Variants in ZCCHC7 observed in about 807,000 individuals in gnomAD.
The protein encoded by ZCCHC7 is zinc finger CCHC-type containing 7.
ZCCHC7 carries 35 observed loss-of-function variants against 52.0 expected under a neutral mutation model. The observed-to-expected ratio is 0.67, with a 90% CI of 0.51 to 0.89. The LOEUF (loss-of-function observed/expected upper bound fraction) is 0.89, where lower values mean the gene tolerates loss of function less well. ZCCHC7 is among the 40% of genes least tolerant of loss of function. ZCCHC7 has a pLI of 0.00. For synonymous variants in ZCCHC7, 217 were observed against 221.5 expected (o/e 0.98, Z 0.18); for missense variants, 574 against 649.1 (o/e 0.88, Z 1.26).
At chr9:37,258,024 A>G (rs1324459592) in intron 2 of ZCCHC7, among the ~76,000 whole-genome samples, 1 of 152,216 alleles carries the variant, frequency 6.6e-6, no homozygotes, top group Admixed American at 6.5e-5. Flanking sequence ...TTTGTATTCT[A>G]GTTCATAAGT....
chr9:37,186,324 A>G (rs1822653144), intron 2 of ZCCHC7, among the ~76,000 whole-genome samples: 2 of 152,146 alleles, frequency 1.3e-5, no homozygotes, highest in African/African-American at 4.8e-5. Flanking sequence ...AGGCTACATC[A>G]TTTTCAGAGT....
At chr9:37,177,554 G>T (rs1004294982) in intron 2 of ZCCHC7, among the ~76,000 whole-genome samples, 6 of 152,094 alleles carry the variant, frequency 3.9e-5, no homozygotes, top group African/African-American at 1.4e-4. Flanking sequence ...ATGAAGAATA[G>T]TAATATGTCA....
At position 37,357,113 on chromosome 9, in the gene ZCCHC7, A is replaced by G. The variant is rs548882748; in HGVS notation, c.1477A>G (p.Lys493Glu). 3 of 1,613,792 alleles carry G rather than the reference A, an allele frequency of 1.9e-6. No homozygotes were observed. The highest frequency in any genetic ancestry group is 2.2e-5 in the East Asian group (1 of 44,850). Residue 493 changes from lysine (K) to glutamate (E), a missense_variant, in exon 9 of 9, where the codon AAG (lysine) becomes GAG (glutamate). This residue lies in a region of ZCCHC7 where 168 missense variants were observed against 171.6 expected (regional missense o/e 0.98). Coordinates refer to ENST00000336755, the MANE Select transcript of ZCCHC7 (RefSeq NM_032226.3). Reference sequence around the variant, plus strand: ...CAGTTTTAAAACCCAGAAGCCTTCTAAGCCCTTTCACCGTTCATCACATTA... The same window carrying G: ...CAGTTTTAAAACCCAGAAGCCTTCTGAGCCCTTTCACCGTTCATCACATTA... ...PGSFKTQKPS[K>E]PFHRSSHYHT...
intron 2 of ZCCHC7, among the ~76,000 whole-genome samples, chr9:37,160,529 T>C (rs558190567): frequency 1.1e-4 from 16 of 151,898 alleles, no homozygotes; most frequent in Non-Finnish European, 1.8e-4. Flanking sequence ...AAAATAATAA[T>C]GTTGCAGCTA....
intron 6 of ZCCHC7, among the ~76,000 whole-genome samples, chr9:37,347,650 C>G (rs145700539): frequency 6.6e-6 from 1 of 152,088 alleles, no homozygotes. Flanking sequence ...AAAAAAAATC[C>G]GGGTTAAGTT....
chr9:37,348,393 T>TCTTTCTTTCTTTCTTTCTTTCTTTCTTTC (rs1564271303), intron 6 of ZCCHC7, among the ~76,000 whole-genome samples: 5 of 147,530 alleles, frequency 3.4e-5, no homozygotes, highest in African/African-American at 1.2e-4. Flanking sequence ...TTTCTTTCTT[T>TCTTTCTTTCTTTCTTTCTTTCTTTCTTTC]TTTGACATGG....
Position 37,357,375 on chromosome 9 carries a change from G to T in ZCCHC7, c.*107G>T, listed in dbSNP as rs1048089675. Reference sequence around the variant, plus strand: ...CTATGATTAAATAAAGTGAGTTTTTGGTTTTGTTTTTTTAATTTCAGCCAT... The same window carrying T: ...CTATGATTAAATAAAGTGAGTTTTTTGTTTTGTTTTTTTAATTTCAGCCAT... On this transcript the variant is annotated 3_prime_UTR_variant, in exon 9 of 9. Coordinates refer to ENST00000336755, the MANE Select transcript of ZCCHC7 (RefSeq NM_032226.3). The T allele has an allele frequency of 7.4e-5, 87 of 1,174,282 alleles. No individual in the cohort carries two copies. Among genetic ancestry groups the T allele is most frequent in the Non-Finnish European group, 9.1e-5 (79 of 872,854 alleles). 72.7% of individuals were successfully genotyped at this position (1,174,282 alleles called of 1,614,324 possible).
chr9:37,216,113 A>G (rs573287044), intron 2 of ZCCHC7, among the ~76,000 whole-genome samples: 1 of 152,296 alleles, frequency 6.6e-6, no homozygotes, highest in East Asian at 1.9e-4. Context: ...CTGACATCCT[A>G]AACTCCTGTC....
intron 2 of ZCCHC7, among the ~76,000 whole-genome samples, chr9:37,146,339 G>A (rs753969834): frequency 1.3e-5 from 2 of 151,756 alleles, no homozygotes; most frequent in Non-Finnish European, 3.0e-5. Context: ...TCTGATATTT[G>A]TGTATCCAAT....
At chr9:37,216,744 A>G (rs751802447) in intron 2 of ZCCHC7, among the ~76,000 whole-genome samples, 2 of 152,178 alleles carry the variant, frequency 1.3e-5, no homozygotes, top group South Asian at 2.1e-4. Context: ...CCCATGGCAT[A>G]ATGTTGACAT....
At chr9:37,336,043 T>G (rs2118356055) in intron 6 of ZCCHC7, among the ~76,000 whole-genome samples, 1 of 152,230 alleles carries the variant, frequency 6.6e-6, no homozygotes, top group East Asian at 1.9e-4. Context: ...CATACCCCAA[T>G]TAGAATACTT....
chr9:37,339,742 A>G (rs533802628), intron 6 of ZCCHC7, among the ~76,000 whole-genome samples: 3 of 152,210 alleles, frequency 2.0e-5, no homozygotes, highest in African/African-American at 7.2e-5. Flanking sequence ...ATAGAAACAC[A>G]TAGTGTAGTC....
chr9:37,329,009 T>A (rs930365429), intron 6 of ZCCHC7, among the ~76,000 whole-genome samples: 4 of 151,928 alleles, frequency 2.6e-5, no homozygotes, highest in Admixed American at 2.0e-4. Flanking sequence ...TTCATCTGAA[T>A]ACATTGTTTG....
At chr9:37,331,257 C>G (rs1300270332) in intron 6 of ZCCHC7, among the ~76,000 whole-genome samples, 1 of 151,544 alleles carries the variant, frequency 6.6e-6, no homozygotes, top group Non-Finnish European at 1.5e-5. Context: ...AATGAGTGTG[C>G]TTGACTTCCT....
chr9:37,305,778 T>G, intron 5 of ZCCHC7, 64 bp downstream of exon 5: 1 of 1,567,020 alleles, frequency 6.4e-7, no homozygotes, highest in Non-Finnish European at 8.7e-7. Context: ...TTGTAATTAA[T>G]GTGCAAGTTT....
At chr9:37,182,932 G>A (rs553219902) in intron 2 of ZCCHC7, among the ~76,000 whole-genome samples, 9 of 152,192 alleles carry the variant, frequency 5.9e-5, no homozygotes, top group Non-Finnish European at 1.2e-4. Context: ...GCTGTAGTGT[G>A]CTATGATTGT....
At chr9:37,130,668 AT>A (rs922989898) in intron 2 of ZCCHC7, among the ~76,000 whole-genome samples, 6 of 148,192 alleles carry the variant, frequency 4.0e-5, no homozygotes, top group Admixed American at 1.3e-4. Context: ...AATTTTTTGT[AT>A]TTTTTTTTAG....
chr9:37,273,775 A>G (rs904623700), intron 2 of ZCCHC7, among the ~76,000 whole-genome samples: 2 of 152,110 alleles, frequency 1.3e-5, no homozygotes, highest in African/African-American at 4.8e-5. Context: ...TGAATCTTGC[A>G]TATTTTTCTG....
chr9:37,315,213 A>C (rs1189684678), intron 5 of ZCCHC7, among the ~76,000 whole-genome samples: 2 of 152,136 alleles, frequency 1.3e-5, no homozygotes, highest in Non-Finnish European at 1.5e-5. Context: ...AATGGGATAA[A>C]GTATACATAC....
Sources: gnomAD v4.1 joint callset for allele counts (sites outside exome capture counted in the v4.1 genomes callset) on GRCh38, gnomAD v4.1.1 for gene constraint, gnomAD v4.1.1 regional missense constraint, MANE v1.5 for transcripts, NCBI Gene and HGNC (gene_info 2026-07-23, HGNC 2026-07-21) for gene names.